Variants in CEP63 observed in about 807,000 individuals in gnomAD.
The protein encoded by CEP63 is centrosomal protein of 63 kDa.
Under a neutral mutation model 89.1 loss-of-function variants are expected in CEP63, and 84 were observed. That is an observed-to-expected ratio of 0.94 (90% CI 0.79 to 1.13). CEP63 has a LOEUF of 1.13. Ranked by LOEUF, CEP63 falls within the 50% of genes most tolerant of loss-of-function variation. CEP63 has a pLI of 0.00. For missense variants in CEP63, 838 were observed against 813.3 expected, an observed-to-expected ratio of 1.03 and a Z score of -0.37; for synonymous variants, 267 against 272.5, an observed-to-expected ratio of 0.98 and a Z score of 0.20.
the CEP63 span, among the ~76,000 whole-genome samples, chr3:134,683,023 A>C: frequency 6.6e-6 from 1 of 152,204 alleles, no homozygotes; most frequent in Non-Finnish European, 1.5e-5. Context: ...TTGAACTGTT[A>C]TGCCTCCCCT....
the CEP63 span, among the ~76,000 whole-genome samples, chr3:134,701,509 A>T: frequency 1.3e-5 from 2 of 150,286 alleles, no homozygotes; most frequent in Admixed American, 6.6e-5. Context: ...ATATATATTT[A>T]AAAAACTTCT....
downstream of CEP63, among the ~76,000 whole-genome samples, chr3:134,591,275 T>G (rs1325372757): frequency 6.6e-6 from 1 of 152,236 alleles, no homozygotes; most frequent in Non-Finnish European, 1.5e-5. Flanking sequence ...GCAAGTGACT[T>G]GCTTTATTTC....
At chr3:134,587,141 C>G (rs1307106586) in intron 10 of CEP63, among the ~76,000 whole-genome samples, 1 of 152,166 alleles carries the variant, frequency 6.6e-6, no homozygotes, top group African/African-American at 2.4e-5. Context: ...TTAGAACATG[C>G]TTCGTTCGCT....
chr3:134,701,401 TACATATACACACATATATATAC>T, the CEP63 span, among the ~76,000 whole-genome samples: 1 of 53,540 alleles, frequency 1.9e-5, no homozygotes. Context: ...TGTGTATATA[TACATATACACACATATATATAC>T]GTATATATGT....
the CEP63 span, among the ~76,000 whole-genome samples, chr3:134,697,275 G>A: frequency 6.6e-6 from 1 of 150,988 alleles, no homozygotes; most frequent in Admixed American, 6.6e-5. Flanking sequence ...CTAACATAAA[G>A]AAGAACTTTT....
At chr3:134,615,589 A>G in the CEP63 span, among the ~76,000 whole-genome samples, 1 of 150,832 alleles carries the variant, frequency 6.6e-6, no homozygotes, top group Non-Finnish European at 1.5e-5. Flanking sequence ...GGTGGTATAG[A>G]GAGTGAAATG....
the CEP63 span, among the ~76,000 whole-genome samples, chr3:134,667,075 G>A: frequency 5.3e-5 from 8 of 152,112 alleles, no homozygotes; most frequent in Admixed American, 1.3e-4. Flanking sequence ...ATCGGTGTCC[G>A]AGGCTACCAG....
chr3:134,740,551 C>A, the CEP63 span, among the ~76,000 whole-genome samples: 1 of 152,130 alleles, frequency 6.6e-6, no homozygotes, highest in African/African-American at 2.4e-5. Flanking sequence ...CCCGCCTTGG[C>A]CTCCCAAAGT....
chr3:134,529,465 T>C (rs1365256719), intron 3 of CEP63, among the ~76,000 whole-genome samples: 1 of 150,166 alleles, frequency 6.7e-6, no homozygotes, highest in Non-Finnish European at 1.5e-5. Context: ...CACAGCCTCC[T>C]GAGTGGCTGG....
chr3:134,639,941 C>A, the CEP63 span: 1 of 121,242 alleles, frequency 8.2e-6, no homozygotes, highest in African/African-American at 3.4e-5. Context: ...CAGAGTGACA[C>A]CCTGTCTCAA....
chr3:134,658,051 C>T, the CEP63 span, among the ~76,000 whole-genome samples: 42 of 152,082 alleles, frequency 2.8e-4, no homozygotes, highest in Admixed American at 2.8e-3. Flanking sequence ...TGTGTGCCAC[C>T]ACGCCCGGCT....
intron 5 of CEP63, among the ~76,000 whole-genome samples, chr3:134,534,795 C>T (rs935103840): frequency 6.6e-6 from 1 of 152,170 alleles, no homozygotes; most frequent in African/African-American, 2.4e-5. Context: ...TATTTCCTCT[C>T]ATCTCCTACT....
chr3:134,625,251 A>C, the CEP63 span: 66 of 793,014 alleles, frequency 8.3e-5, no homozygotes, highest in Non-Finnish European at 8.5e-5. Context: ...CACAATTCTC[A>C]AAGCCTGAAA....
the CEP63 span, among the ~76,000 whole-genome samples, chr3:134,640,386 T>C: frequency 2.6e-5 from 4 of 152,146 alleles, no homozygotes; most frequent in Non-Finnish European, 5.9e-5. Context: ...TTTAAATATC[T>C]TTGAGCTTCC....
chr3:134,712,833 C>G, the CEP63 span, among the ~76,000 whole-genome samples: 1 of 152,148 alleles, frequency 6.6e-6, no homozygotes, highest in African/African-American at 2.4e-5. Context: ...CCAGAGAATA[C>G]TTTTGCAGTT....
chr3:134,581,905 G>A (rs1577516202), intron 10 of CEP63, among the ~76,000 whole-genome samples: 2 of 151,618 alleles, frequency 1.3e-5, no homozygotes, highest in East Asian at 2.0e-4. Context: ...TCGATCTCCT[G>A]ACCTCGTGAT....
chr3:134,636,579 C>T, the CEP63 span, among the ~76,000 whole-genome samples: 1 of 152,210 alleles, frequency 6.6e-6, no homozygotes, highest in African/African-American at 2.4e-5. Flanking sequence ...CAGCTGGTCT[C>T]CAGCCAACCC....
the CEP63 span, among the ~76,000 whole-genome samples, chr3:134,637,098 C>A: frequency 6.6e-6 from 1 of 152,222 alleles, no homozygotes; most frequent in Non-Finnish European, 1.5e-5. Flanking sequence ...TACAATGTGG[C>A]CTCTGCAAAG....
the CEP63 span, among the ~76,000 whole-genome samples, chr3:134,773,386 A>C: frequency 6.6e-6 from 1 of 152,308 alleles, no homozygotes; most frequent in East Asian, 1.9e-4. Flanking sequence ...TTTGGAGGCC[A>C]CTCAAGCTAT....
Sources: allele counts gnomAD v4.1 joint callset (sites outside exome capture counted in the v4.1 genomes callset), GRCh38; gene constraint gnomAD v4.1.1; transcripts MANE v1.5; gene names NCBI Gene and HGNC (gene_info 2026-07-23, HGNC 2026-07-21).